The following ZNF124 variants were observed in gnomAD, a reference collection of about 807,000 sequenced individuals.
The protein encoded by ZNF124 is zinc finger protein HZF-16.
A neutral mutation model predicts 26.6 loss-of-function variants in ZNF124; 25 were observed. The ratio of observed to expected loss-of-function variants is 0.94; its 90% CI spans 0.68 to 1.31. The LOEUF is 1.31. Ranked by LOEUF, ZNF124 falls within the 40% of genes most tolerant of loss-of-function variation. The pLI is 0.00. For synonymous variants in ZNF124, 129 were observed against 133.3 expected, an observed-to-expected ratio of 0.97 and a Z score of 0.22; for missense variants, 444 against 422.2, an observed-to-expected ratio of 1.05 and a Z score of -0.45.
At chr1:247,133,924 A>G (rs941008442) in intron 3 of ZNF124, among the ~76,000 whole-genome samples, 1 of 152,158 alleles carries the variant, frequency 6.6e-6, no homozygotes, top group African/African-American at 2.4e-5. Context: ...AAGTGCTGGG[A>G]TTATAGGCAT....
chr1:247,155,728 GC>G lies in ZNF124; in HGVS notation c.*837del. ...TACAAAAAATTAGCTGGGCATGGTGGCAGGCACCTGTAGTCCCAGCTACTCA... is the reference window on the plus strand; with the variant it reads ...TACAAAAAATTAGCTGGGCATGGTGGAGGCACCTGTAGTCCCAGCTACTCA... On this transcript the variant is annotated 3_prime_UTR_variant, in exon 4 of 4. Coordinates refer to ENST00000543802, the MANE Select transcript of ZNF124 (RefSeq NM_001297568.2). 1 of 166,894 alleles carries G rather than the reference GC, an allele frequency of 6.0e-6. No homozygotes were observed. Among genetic ancestry groups the G allele is most frequent in the African/African-American group, 2.4e-5 (1 of 41,802 alleles). The allele number at this position is 166,894 out of a possible 1,614,324, so 10.3% of individuals were successfully genotyped here. A position where few individuals can be genotyped will look rare whatever the true frequency, so the allele number is the denominator to read the frequency against.
At chr1:247,136,485 G>A (rs975881534) in intron 3 of ZNF124, among the ~76,000 whole-genome samples, 4 of 152,164 alleles carry the variant, frequency 2.6e-5, no homozygotes, top group African/African-American at 4.8e-5. Context: ...ACTGCTCAAG[G>A]AAGTAAGAGA....
intron 3 of ZNF124, among the ~76,000 whole-genome samples, chr1:247,135,404 A>C (rs1572060337): frequency 6.6e-6 from 1 of 152,204 alleles, no homozygotes; most frequent in African/African-American, 2.4e-5. Context: ...GAATACTATA[A>C]ACACTCAATG....
chr1:247,158,876 A>G, intron 3 of ZNF124, 130 bp downstream of exon 3: 1 of 783,352 alleles, frequency 1.3e-6, no homozygotes, highest in Non-Finnish European at 2.0e-6. Flanking sequence ...TGATCCGCCC[A>G]CCTCAGCATC....
chr1:247,137,770 C>CA (rs895207819), intron 3 of ZNF124, among the ~76,000 whole-genome samples: 1 of 151,862 alleles, frequency 6.6e-6, no homozygotes, highest in Non-Finnish European at 1.5e-5. Context: ...CAAGAAAAAA[C>CA]AAAAAACTCA....
At chr1:247,153,077 A>G (rs146850113), downstream of ZNF124, among the ~76,000 whole-genome samples, 1,459 of 151,800 alleles carry the variant, frequency 9.6e-3, 24 homozygotes, top group African/African-American at 0.028. Flanking sequence ...AGGTTGCAGT[A>G]AGCTGAGATT....
chr1:247,146,220 G>A (rs1672775769), intron 3 of ZNF124, among the ~76,000 whole-genome samples: 3 of 152,202 alleles, frequency 2.0e-5, no homozygotes, highest in African/African-American at 7.2e-5. Context: ...TGAAGTGGGG[G>A]CCCCATAGAG....
chr1:247,150,565 T>A (rs1022885061), downstream of ZNF124, among the ~76,000 whole-genome samples: 1 of 152,088 alleles, frequency 6.6e-6, no homozygotes, highest in Non-Finnish European at 1.5e-5. Flanking sequence ...ATTTTAAATA[T>A]ACATCCTGAT....
At chr1:247,162,098 A>G (rs774830828) in intron 1 of ZNF124, among the ~76,000 whole-genome samples, 28 of 152,326 alleles carry the variant, frequency 1.8e-4, no homozygotes, top group Admixed American at 9.1e-4. Context: ...GATCTGCCTT[A>G]TAAGAGTTCC....
rs1158278055 is a variant in ZNF124 at position 247,135,565 on chromosome 1, A to G, written c.219-11694T>C. 2.6e-5 allele frequency among the ~76,000 whole-genome samples: 4 copies of G among 152,300 alleles called. No homozygotes were observed. In the East Asian group the frequency reaches 7.7e-4, roughly 29 times the overall value. On this transcript the variant is annotated intron_variant, in intron 3 of 3. Transcript: ENST00000472531. ...GCCTACCAATCAAAAAAAGCCCAGG[A>G]CCAGATGGATTCACAGCAGAATTTT... is the stretch of plus-strand genomic sequence containing the variant.
exon 4 of ZNF124, chr1:247,123,301 A>G (rs1672123837): frequency 6.6e-6 from 1 of 151,548 alleles, no homozygotes. Context: ...GGTTCATGCC[A>G]TTCTCCTGCC....
exon 4 of ZNF124, chr1:247,122,946 C>A (rs1230605925): frequency 2.6e-5 from 4 of 152,188 alleles, no homozygotes; most frequent in Non-Finnish European, 5.9e-5. Flanking sequence ...TGGCTTCCAA[C>A]CTAATTCCCC....
At chr1:247,144,999 C>T (rs929637112) in intron 3 of ZNF124, among the ~76,000 whole-genome samples, 2 of 152,172 alleles carry the variant, frequency 1.3e-5, no homozygotes, top group Non-Finnish European at 2.9e-5. Context: ...CGGTCTCGAA[C>T]TCCTGACCTT....
chr1:247,138,581 C>T (rs1481250575), intron 3 of ZNF124: 5 of 389,798 alleles, frequency 1.3e-5, no homozygotes, highest in South Asian at 1.4e-4. Flanking sequence ...ATCCCGTTTT[C>T]GTTTGTTTTA....
chr1:247,137,160 C>T (rs943817290), intron 3 of ZNF124, among the ~76,000 whole-genome samples: 1 of 151,644 alleles, frequency 6.6e-6, no homozygotes, highest in Non-Finnish European at 1.5e-5. Context: ...ACATCTAAAA[C>T]CATCTGATCC....
At chr1:247,152,115 TA>T (rs1672964716), downstream of ZNF124, among the ~76,000 whole-genome samples, 1 of 147,320 alleles carries the variant, frequency 6.8e-6, no homozygotes, top group African/African-American at 2.5e-5. Context: ...TTTAAAACTA[TA>T]TGGTGCTATC....
intron 1 of ZNF124, among the ~76,000 whole-genome samples, chr1:247,166,035 C>T (rs1572100172): frequency 2.6e-5 from 4 of 152,134 alleles, no homozygotes; most frequent in Admixed American, 6.5e-5. Flanking sequence ...AAAAATTAGC[C>T]GGGCCTGTTA....
intron 3 of ZNF124, among the ~76,000 whole-genome samples, chr1:247,148,286 G>C (rs1317136573): frequency 6.6e-6 from 1 of 152,136 alleles, no homozygotes; most frequent in Non-Finnish European, 1.5e-5. Context: ...CTTGTTCCAG[G>C]AAGCCTTCTC....
At chr1:247,153,502 T>C (rs565076420), downstream of ZNF124, among the ~76,000 whole-genome samples, 114 of 152,364 alleles carry the variant, frequency 7.5e-4, no homozygotes, top group African/African-American at 2.7e-3. Context: ...AGTCATCTGC[T>C]ATTAGATTTC....
Sources: allele counts gnomAD v4.1 joint callset (sites outside exome capture counted in the v4.1 genomes callset), GRCh38; gene constraint gnomAD v4.1.1; transcripts MANE v1.5; gene names NCBI Gene and HGNC (gene_info 2026-07-23, HGNC 2026-07-21).